PDE10A: variants seen among roughly 807,000 people sequenced by gnomAD.
PDE10A encodes the protein phosphodiesterase 10A.
Under a neutral mutation model 97.7 loss-of-function variants are expected in PDE10A, and 39 were observed. That is an observed-to-expected ratio of 0.40 (90% CI 0.31 to 0.52). The LOEUF (loss-of-function observed/expected upper bound fraction) is 0.52, where lower values mean the gene tolerates loss of function less well. Among genes scored for constraint, PDE10A ranks in the 20% least tolerant of loss-of-function variants. PDE10A has a pLI of 0.56. For missense variants in PDE10A, 731 were observed against 1,047.8 expected, an observed-to-expected ratio of 0.70 and a Z score of 4.17; for synonymous variants, 371 against 376.8, an observed-to-expected ratio of 0.98 and a Z score of 0.18.
At chr6:165,625,838 G>A (rs1200923629) in intron 1 of PDE10A, among the ~76,000 whole-genome samples, 1 of 152,160 alleles carries the variant, frequency 6.6e-6, no homozygotes, top group Non-Finnish European at 1.5e-5. Flanking sequence ...TCTCAGGTAT[G>A]TCTTTATCAA....
intron 1 of PDE10A, among the ~76,000 whole-genome samples, chr6:165,762,213 G>A (rs751017182): frequency 1.1e-4 from 16 of 152,186 alleles, no homozygotes; most frequent in Admixed American, 6.5e-5. Context: ...TGGATTTCCT[G>A]CATTTCTTCC....
At chr6:165,475,955 C>T (rs1474153971) in intron 3 of PDE10A, among the ~76,000 whole-genome samples, 1 of 152,140 alleles carries the variant, frequency 6.6e-6, no homozygotes, top group African/African-American at 2.4e-5. Flanking sequence ...CTCGGGGTTC[C>T]CCTCAGTCAC....
intron 9 of PDE10A, among the ~76,000 whole-genome samples, chr6:165,429,948 A>C (rs1789436622): frequency 6.6e-6 from 1 of 152,130 alleles, no homozygotes; most frequent in African/African-American, 2.4e-5. Flanking sequence ...TTTTGGAAGA[A>C]AATAAACCAG....
At chr6:165,415,607 A>G (rs1240955916) in intron 12 of PDE10A, among the ~76,000 whole-genome samples, 2 of 152,214 alleles carry the variant, frequency 1.3e-5, no homozygotes, top group Non-Finnish European at 2.9e-5. Flanking sequence ...TTATTTAGTT[A>G]CTTTGGGTCA....
chr6:165,693,547 A>AAC lies in PDE10A; in HGVS notation c.-614-149980_-614-149979insGT, dbSNP rs1400346721. Among the ~76,000 whole-genome samples the AAC allele has an allele frequency of 7.6e-4, 115 of 151,460 alleles. 1 individual carries two copies. The Middle Eastern group carries it at 0.017, about 23-fold the overall frequency. ...CTCCACCAAAAAAAAAAAAAAAAAA[A>AAC]AAAAACCGAGTGCACTGAATTTTAA... On this transcript the variant is annotated intron_variant, in intron 1 of 19. Coordinates refer to the PDE10A transcript ENST00000366882.
intron 1 of PDE10A, among the ~76,000 whole-genome samples, chr6:165,587,499 G>A (rs1001683603): frequency 1.3e-5 from 2 of 152,154 alleles, no homozygotes; most frequent in East Asian, 1.9e-4. Flanking sequence ...ACAGACAAAG[G>A]AATTACTCAT....
chr6:165,587,041 C>T (rs1194475286), intron 1 of PDE10A, among the ~76,000 whole-genome samples: 1 of 152,104 alleles, frequency 6.6e-6, no homozygotes, highest in African/African-American at 2.4e-5. Context: ...GGGGATGTCA[C>T]CAGCCATCAC....
intron 1 of PDE10A, among the ~76,000 whole-genome samples, chr6:165,860,104 T>A (rs1780857125): frequency 6.6e-6 from 1 of 151,986 alleles, no homozygotes; most frequent in Non-Finnish European, 1.5e-5. Flanking sequence ...ACTGCTTGGG[T>A]GATGGGGGCA....
At chr6:165,702,803 G>A (rs1414158612) in intron 1 of PDE10A, among the ~76,000 whole-genome samples, 1 of 152,140 alleles carries the variant, frequency 6.6e-6, no homozygotes, top group African/African-American at 2.4e-5. Flanking sequence ...TGCACTGCAA[G>A]GACGCTCTCT....
chr6:165,413,778 T>C, intron 12 of PDE10A, 91 bp from the exon 13 acceptor site: 1 of 1,015,796 alleles, frequency 9.8e-7, no homozygotes, highest in Non-Finnish European at 1.5e-6. Context: ...CCTCAATCTT[T>C]GCAATTTACA....
chr6:165,855,316 G>C (rs1479490667), intron 1 of PDE10A, among the ~76,000 whole-genome samples: 1 of 150,876 alleles, frequency 6.6e-6, no homozygotes, highest in South Asian at 2.1e-4. Context: ...GGGGGGGGGG[G>C]GGGACTCAGG....
At chr6:165,678,072 T>C (rs1383712640) in intron 1 of PDE10A, among the ~76,000 whole-genome samples, 1 of 150,722 alleles carries the variant, frequency 6.6e-6, no homozygotes, top group Admixed American at 6.6e-5. Flanking sequence ...TATGTGTGTT[T>C]GTATAGCTAT....
chr6:165,491,631 T>C (rs540079984), intron 2 of PDE10A, among the ~76,000 whole-genome samples: 2 of 152,080 alleles, frequency 1.3e-5, no homozygotes, highest in African/African-American at 4.8e-5. Context: ...TTAAATTACC[T>C]GCTAATGAAT....
chr6:165,823,760 A>G (rs1350370107), intron 1 of PDE10A, among the ~76,000 whole-genome samples: 1 of 151,978 alleles, frequency 6.6e-6, no homozygotes, highest in East Asian at 1.9e-4. Flanking sequence ...TGAGTAATAC[A>G]TCGCACTGTG....
Position 165,959,664 on chromosome 6 carries a change from G to C in PDE10A, c.-615+27865C>G, listed in dbSNP as rs933223275. Among the ~76,000 whole-genome samples the C allele has an allele frequency of 2.6e-4, 39 of 152,140 alleles. 1 individual carries two copies. The highest frequency in any genetic ancestry group is 2.6e-4 in the Admixed American group (4 of 15,278). On this transcript the variant is annotated intron_variant, in intron 1 of 19. Coordinates refer to the PDE10A transcript ENST00000366882. ...GCGGGAAGGGAGTAGTTAAAGCTGC[G>C]GGTGAGAGAAGACTTGAGCCTGACC...
chr6:165,705,838 G>A (rs985468725), intron 1 of PDE10A, among the ~76,000 whole-genome samples: 94 of 152,226 alleles, frequency 6.2e-4, no homozygotes, highest in African/African-American at 2.0e-3. Flanking sequence ...CATTCAAAAC[G>A]TAACTTTCTC....
At chr6:165,632,743 C>T (rs1264292783) in intron 1 of PDE10A, among the ~76,000 whole-genome samples, 4 of 152,198 alleles carry the variant, frequency 2.6e-5, no homozygotes, top group Non-Finnish European at 5.9e-5. Flanking sequence ...ACAGACCAGT[C>T]GAATCCAATA....
At position 165,584,723 on chromosome 6, in the gene PDE10A, A is replaced by T. The variant is rs116986401; in HGVS notation, c.866-41155T>A. Reference sequence around the variant, plus strand: ...GCAGAATACCCCTTAGGGCATCTGCATCTGCCACCATGCCCTGTGACTGAA... The same window carrying T: ...GCAGAATACCCCTTAGGGCATCTGCTTCTGCCACCATGCCCTGTGACTGAA... On this transcript the variant is annotated intron_variant, in intron 1 of 21. Transcript: ENST00000539869. Among the ~76,000 whole-genome samples, 725 of 152,326 alleles carry T rather than the reference A, an allele frequency of 4.8e-3. 8 individuals carry two copies. The highest frequency in any genetic ancestry group is 0.021 in the South Asian group (102 of 4,828).
At chr6:165,952,374 A>G (rs1157524685) in intron 1 of PDE10A, among the ~76,000 whole-genome samples, 3 of 152,236 alleles carry the variant, frequency 2.0e-5, no homozygotes, top group African/African-American at 4.8e-5. Context: ...GCTTTTGCCA[A>G]AATCAGGTGT....
Sources: gnomAD v4.1 joint callset for allele counts (sites outside exome capture counted in the v4.1 genomes callset) on GRCh38, gnomAD v4.1.1 for gene constraint, MANE v1.5 for transcripts, NCBI Gene and HGNC (gene_info 2026-07-23, HGNC 2026-07-21) for gene names.